The following CNIH3 variants were observed in gnomAD, a reference collection of about 807,000 sequenced individuals.
The protein encoded by CNIH3 is protein cornichon homolog 3.
CNIH3 carries 14 observed loss-of-function variants against 24.1 expected under a neutral mutation model. That is an observed-to-expected ratio of 0.58 (90% CI 0.38 to 0.91). The LOEUF (loss-of-function observed/expected upper bound fraction) is 0.91, where lower values mean the gene tolerates loss of function less well. Ranked by LOEUF, CNIH3 falls within the 40% of genes least tolerant of loss-of-function variation. The pLI, the probability that CNIH3 is intolerant of heterozygous loss-of-function variation, is 0.00. For missense variants in CNIH3, 178 were observed against 196.8 expected (o/e 0.90, Z 0.57); for synonymous variants, 68 against 73.8 (o/e 0.92, Z 0.40).
At chr1:224,721,385 C>A (rs1308682966) in intron 3 of CNIH3, among the ~76,000 whole-genome samples, 1 of 152,106 alleles carries the variant, frequency 6.6e-6, no homozygotes, top group Non-Finnish European at 1.5e-5. Flanking sequence ...ATTTCTACTC[C>A]CTTCATCTCT....
chr1:224,558,996 T>C (rs1459506745), intron 3 of CNIH3, among the ~76,000 whole-genome samples: 1 of 152,218 alleles, frequency 6.6e-6, no homozygotes, highest in Non-Finnish European at 1.5e-5. Context: ...GCCTGCCAGC[T>C]TACCCATTAA....
chr1:224,636,952 CTTTT>C (rs202049764), intron 1 of CNIH3, among the ~76,000 whole-genome samples: 2 of 134,302 alleles, frequency 1.5e-5, no homozygotes. Context: ...GAGATGCATT[CTTTT>C]TTTTTTTTTT....
At chr1:224,535,581 C>A (rs555365200) in intron 2 of CNIH3, among the ~76,000 whole-genome samples, 1 of 152,256 alleles carries the variant, frequency 6.6e-6, no homozygotes, top group South Asian at 2.1e-4. Context: ...GGATTTACAG[C>A]GGCTGATGGC....
chr1:224,685,202 G>A (rs945167896), intron 3 of CNIH3, among the ~76,000 whole-genome samples: 20 of 152,212 alleles, frequency 1.3e-4, no homozygotes, highest in African/African-American at 3.9e-4. Flanking sequence ...AACACTCCCC[G>A]CCGACCTTGG....
intron 1 of CNIH3, among the ~76,000 whole-genome samples, chr1:224,447,143 A>G (rs1675200298): frequency 6.6e-6 from 1 of 152,188 alleles, no homozygotes; most frequent in Non-Finnish European, 1.5e-5. Flanking sequence ...CTGGAGGCTG[A>G]GAAGCCCCTC....
At chr1:224,553,512 G>A (rs1419063121) in intron 3 of CNIH3, among the ~76,000 whole-genome samples, 3 of 152,028 alleles carry the variant, frequency 2.0e-5, no homozygotes, top group African/African-American at 7.2e-5. Context: ...TCAGCTCAAG[G>A]TTCTGGGACC....
At chr1:224,693,758 G>T (rs561690211) in intron 3 of CNIH3, among the ~76,000 whole-genome samples, 88 of 152,218 alleles carry the variant, frequency 5.8e-4, no homozygotes, top group African/African-American at 1.9e-3. Context: ...TGCTAGGATC[G>T]TATCAGGAAG....
chr1:224,635,315 C>T (rs762632201), intron 1 of CNIH3, among the ~76,000 whole-genome samples: 3 of 152,262 alleles, frequency 2.0e-5, no homozygotes, highest in East Asian at 1.9e-4. Context: ...GATTACTATT[C>T]GAGATGAGAT....
At chr1:224,716,447 G>T (rs1688436466) in intron 3 of CNIH3, among the ~76,000 whole-genome samples, 1 of 152,172 alleles carries the variant, frequency 6.6e-6, no homozygotes, top group Non-Finnish European at 1.5e-5. Flanking sequence ...AATAAATGCT[G>T]AATGAGTGAA....
intron 1 of CNIH3, among the ~76,000 whole-genome samples, chr1:224,670,659 T>A (rs1361234083): frequency 6.6e-6 from 1 of 152,184 alleles, no homozygotes; most frequent in Non-Finnish European, 1.5e-5. Flanking sequence ...GTAAGGCAGC[T>A]TCCTTCCTAA....
intron 1 of CNIH3, among the ~76,000 whole-genome samples, chr1:224,463,747 T>C (rs1469556825): frequency 1.3e-5 from 2 of 149,560 alleles, no homozygotes; most frequent in African/African-American, 5.0e-5. Context: ...TGTGATGATT[T>C]TTCTCCCAGC....
At chr1:224,580,363 G>A (rs978187139) in intron 4 of CNIH3, among the ~76,000 whole-genome samples, 2 of 152,158 alleles carry the variant, frequency 1.3e-5, no homozygotes, top group African/African-American at 2.4e-5. Context: ...CAATGTAGAG[G>A]TTTATTTTGC....
At chr1:224,514,702 G>A (rs748667132), upstream of CNIH3, among the ~76,000 whole-genome samples, 3 of 152,036 alleles carry the variant, frequency 2.0e-5, no homozygotes, top group Admixed American at 2.0e-4. Context: ...GTGGTGGTGC[G>A]AGCCTGTAGT....
chr1:224,454,148 A>G, intron 1 of CNIH3: 2 of 255,932 alleles, frequency 7.8e-6, no homozygotes, highest in Non-Finnish European at 1.2e-5. Context: ...ATTACAAATA[A>G]GCAACACCCA....
At chr1:224,542,958 G>A (rs1186427652) in intron 2 of CNIH3, among the ~76,000 whole-genome samples, 1 of 152,186 alleles carries the variant, frequency 6.6e-6, no homozygotes, top group African/African-American at 2.4e-5. Context: ...GATTGCTTAT[G>A]CTAATGAGGT....
At chr1:224,580,390 C>T (rs1681221437) in intron 4 of CNIH3, among the ~76,000 whole-genome samples, 1 of 152,144 alleles carries the variant, frequency 6.6e-6, no homozygotes, top group African/African-American at 2.4e-5. Context: ...TGAAGACATG[C>T]CTGGGAAAAG....
chr1:224,617,024 C>T lies in CNIH3; in HGVS notation c.-151C>T, dbSNP rs185737422. 212 of 1,424,946 alleles carry T rather than the reference C, an allele frequency of 1.5e-4. No homozygotes were observed. In the African/African-American group the frequency reaches 2.9e-3, roughly 19 times the overall value. The allele number at this position is 1,424,946 out of a possible 1,614,324, so 88.3% of individuals were successfully genotyped here. ...AATCCAGCGCTTATTCGCTGACCCT[C>T]GAGTCGCTTCGCTAGCTGTGCGCCC... On this transcript the variant is annotated 5_prime_UTR_variant, in exon 1 of 6. The change creates a premature stop within an existing upstream ORF in the 5' untranslated region. Coordinates refer to ENST00000272133, the MANE Select transcript of CNIH3 (RefSeq NM_152495.2).
chr1:224,446,696 C>T (rs575132611), intron 1 of CNIH3, among the ~76,000 whole-genome samples: 37 of 152,226 alleles, frequency 2.4e-4, no homozygotes, highest in Admixed American at 5.9e-4. Flanking sequence ...GTCTGAATTC[C>T]ACTTAGAAAT....
At chr1:224,626,516 T>G (rs999425600) in intron 1 of CNIH3, among the ~76,000 whole-genome samples, 4 of 152,202 alleles carry the variant, frequency 2.6e-5, no homozygotes, top group African/African-American at 9.7e-5. Context: ...ATCTAAAGAT[T>G]AGGCTGATAG....
Sources: gnomAD v4.1 joint callset for allele counts (sites outside exome capture counted in the v4.1 genomes callset) on GRCh38, gnomAD v4.1.1 for gene constraint, MANE v1.5 for transcripts, NCBI Gene and HGNC (gene_info 2026-07-23, HGNC 2026-07-21) for gene names.